The following BCL11A variants were observed in gnomAD, a reference collection of about 807,000 sequenced individuals.
BCL11A encodes the protein BCL11 transcription factor A, also known as B cell CLL/lymphoma 11A.
In BCL11A, 2 loss-of-function variants were observed where a neutral mutation model predicts 55.9. That is an observed-to-expected ratio of 0.04 (90% CI 0.01 to 0.11). The LOEUF is 0.11. Ranked by LOEUF, BCL11A falls within the 10% of genes least tolerant of loss-of-function variation. The pLI is 1.00. For synonymous variants in BCL11A, 465 were observed against 473.4 expected (o/e 0.98, Z 0.23); for missense variants, 817 against 1,137.1 (o/e 0.72, Z 4.05).
intron 2 of BCL11A, chr2:60,536,484 C>T (rs1669675239): frequency 1.3e-5 from 2 of 152,146 alleles, no homozygotes; most frequent in Admixed American, 6.5e-5. Context: ...ACAGTCCTGA[C>T]CAATTCCGTT....
At chr2:60,530,552 T>A (rs1669403883) in intron 2 of BCL11A, among the ~76,000 whole-genome samples, 1 of 151,384 alleles carries the variant, frequency 6.6e-6, no homozygotes, top group Admixed American at 6.6e-5. Flanking sequence ...GCCAAAAGAC[T>A]GGCCTCAACT....
In BCL11A at chr2:60,546,490, T is replaced by A; in HGVS notation, c.56-190A>T. On this transcript the variant is annotated intron_variant, in intron 1 of 3. Transcript: ENST00000642384. The surrounding 1 kb of genome is among the most constrained non-coding windows in gnomAD (Gnocchi z 4.1). ...GAAGGTTATCAACCAGAGAGCAAAT[T>A]TGTCAATGAGGCAAATCATCACATA... 1 of 592,158 alleles carries A rather than the reference T, an allele frequency of 1.7e-6. No individual in the cohort carries two copies. The highest frequency in any genetic ancestry group is 3.0e-6 in the Non-Finnish European group (1 of 336,660). The allele number at this position is 592,158 out of a possible 1,614,324, so 36.7% of individuals were successfully genotyped here. A position where few individuals can be genotyped will look rare whatever the true frequency, so the allele number is the denominator to read the frequency against.
chr2:60,514,766 A>G (rs1025761931), intron 2 of BCL11A, among the ~76,000 whole-genome samples: 1 of 151,898 alleles, frequency 6.6e-6, no homozygotes, highest in Non-Finnish European at 1.5e-5. Context: ...TTACAACACA[A>G]TGAAAGGGTA....
intron 2 of BCL11A, among the ~76,000 whole-genome samples, chr2:60,518,301 A>G (rs1022281605): frequency 6.6e-6 from 1 of 152,210 alleles, no homozygotes; most frequent in East Asian, 1.9e-4. Context: ...ATCATAGATA[A>G]AGGAGTCACA....
chr2:60,503,240 A>G (rs1679393922), intron 2 of BCL11A, among the ~76,000 whole-genome samples: 1 of 152,196 alleles, frequency 6.6e-6, no homozygotes, highest in Non-Finnish European at 1.5e-5. Flanking sequence ...CAGCCTCAGG[A>G]GGCTCTGACC....
At chr2:60,493,715 T>G (rs1678783663) in intron 2 of BCL11A, among the ~76,000 whole-genome samples, 1 of 152,166 alleles carries the variant, frequency 6.6e-6, no homozygotes, top group Non-Finnish European at 1.5e-5. Flanking sequence ...AGGAGATGAC[T>G]TCTACCTTGC....
At chr2:60,487,672 G>A (rs575136421) in intron 2 of BCL11A, among the ~76,000 whole-genome samples, 311 of 152,286 alleles carry the variant, frequency 2.0e-3, no homozygotes, top group Non-Finnish European at 3.5e-3. Context: ...AGCCTTTAAC[G>A]AGGGTGTTCA....
intron 2 of BCL11A, chr2:60,537,623 A>C (rs555110705): frequency 6.6e-6 from 1 of 152,264 alleles, no homozygotes; most frequent in Non-Finnish European, 1.5e-5. Context: ...GTGCTCCAAC[A>C]TAAGAATCCA....
At chr2:60,551,157 A>G (rs1670399054) in intron 1 of BCL11A, among the ~76,000 whole-genome samples, 1 of 152,198 alleles carries the variant, frequency 6.6e-6, no homozygotes, top group Non-Finnish European at 1.5e-5. Context: ...TAAAGTAAGA[A>G]TCATAAATTG....
chr2:60,480,603 G>C (rs1677894250), intron 2 of BCL11A, among the ~76,000 whole-genome samples: 1 of 152,152 alleles, frequency 6.6e-6, no homozygotes, highest in Non-Finnish European at 1.5e-5. Flanking sequence ...AGTGGCTGCT[G>C]GTCCATCGCT....
At chr2:60,537,194 AACATG>A (rs1383941770) in intron 2 of BCL11A, 1 of 151,846 alleles carries the variant, frequency 6.6e-6, no homozygotes, top group Non-Finnish European at 1.5e-5. Flanking sequence ...ACAAAAACAT[AACATG>A]AGAAGGTTAC....
At chr2:60,480,145 G>A (rs1310498389) in intron 2 of BCL11A, among the ~76,000 whole-genome samples, 1 of 152,212 alleles carries the variant, frequency 6.6e-6, no homozygotes, top group Non-Finnish European at 1.5e-5. Flanking sequence ...GAGGGGGGAA[G>A]GTGGGGGTGG....
intron 3 of BCL11A, 67 bp downstream of exon 3, chr2:60,468,665 G>A: frequency 8.3e-7 from 1 of 1,206,856 alleles, no homozygotes; most frequent in Non-Finnish European, 1.2e-6. Context: ...AAAAAGTAAG[G>A]GCAATTTCCA....
chr2:60,482,662 A>C (rs1678030287), intron 2 of BCL11A, among the ~76,000 whole-genome samples: 1 of 152,244 alleles, frequency 6.6e-6, no homozygotes, highest in Non-Finnish European at 1.5e-5. Context: ...CCCTGAAAGC[A>C]CACTGCATCC....
chr2:60,462,223 A>C lies in BCL11A; in HGVS notation c.689T>G (p.Ile230Ser). Residue 230 changes from isoleucine (I) to serine (S), a missense_variant, in exon 4 of 4, where the codon ATT becomes AGT. Physicochemically the swap from Ile to Ser is moderately radical, Grantham distance 142. This residue lies in a region of BCL11A where 363 missense variants were observed against 486.6 expected (regional missense o/e 0.75). Coordinates refer to ENST00000642384, the MANE Select transcript of BCL11A (RefSeq NM_022893.4). ...AAAGGGGTTATTGTCTGCAATATGA[A>C]TCCCATGGAGAGGTGGCTGGGAAGG... ...ECPSQPPLHGIHIADNNPFNL... is the reference protein window; with the variant it reads ...ECPSQPPLHGSHIADNNPFNL... 6.2e-7 allele frequency: 1 copy of C among 1,612,940 alleles called. No homozygotes were observed. Among genetic ancestry groups the C allele is most frequent in the Non-Finnish European group, 8.5e-7 (1 of 1,179,466 alleles).
chr2:60,479,683 T>A (rs1677841412), intron 2 of BCL11A, among the ~76,000 whole-genome samples: 1 of 152,188 alleles, frequency 6.6e-6, no homozygotes, highest in Non-Finnish European at 1.5e-5. Flanking sequence ...CCTGTACTCC[T>A]GCCCCAGCTC....
Position 60,457,670 on chromosome 2 carries a change from G to GT in BCL11A, c.*2733dup, listed in dbSNP as rs36105824. 0.18 allele frequency: 140,608 copies of GT among 799,738 alleles called. 11 individuals are homozygous for GT. Among genetic ancestry groups the GT allele is most frequent in the Middle Eastern group, 0.27 (431 of 1,584 alleles). The allele number at this position is 799,738 out of a possible 1,614,324, so 49.5% of individuals were successfully genotyped here. A position where few individuals can be genotyped will look rare whatever the true frequency, so the allele number is the denominator to read the frequency against. The stretch of plus-strand genomic sequence containing the variant: ...CAATGAAAAAAACTGCAAAACATTG[G>GT]TTTTTTTTTTTTTTTCCTTTTTTTT... On this transcript the variant is annotated 3_prime_UTR_variant, in exon 4 of 4. Transcript: ENST00000642384.
Position 60,458,246 on chromosome 2 carries a change from T to C in BCL11A, c.*2158A>G, listed in dbSNP as rs1287069890. ...TGCATTTTCCTATATTTAAGTACTATATAATCTTAAACCTTTCCCCAATGT... is the reference window on the plus strand; with the variant it reads ...TGCATTTTCCTATATTTAAGTACTACATAATCTTAAACCTTTCCCCAATGT... On this transcript the variant is annotated 3_prime_UTR_variant, in exon 4 of 4. Coordinates refer to ENST00000642384, the MANE Select transcript of BCL11A (RefSeq NM_022893.4). 1 of 1,023,710 alleles carries C rather than the reference T, an allele frequency of 9.8e-7. No individual in the cohort carries two copies. Among genetic ancestry groups the C allele is most frequent in the East Asian group, 6.3e-5 (1 of 15,828 alleles). 63.4% of individuals were successfully genotyped at this position (1,023,710 alleles called of 1,614,324 possible).
rs1278956884 is a variant in BCL11A at position 60,457,903 on chromosome 2, C to T, written c.*2501G>A. 24 of 1,047,958 alleles carry T rather than the reference C, an allele frequency of 2.3e-5. No homozygotes were observed. The highest frequency in any genetic ancestry group is 4.3e-4 in the Middle Eastern group (1 of 2,310). The allele number at this position is 1,047,958 out of a possible 1,614,324, so 64.9% of individuals were successfully genotyped here. ...GACATTCTAGCAGGCTCCCCCAAAC[C>T]GCCATTATATGGCTTCTCATCTGTA... is the stretch of plus-strand genomic sequence containing the variant. On this transcript the variant is annotated 3_prime_UTR_variant, in exon 4 of 4. Coordinates refer to ENST00000642384, the MANE Select transcript of BCL11A (RefSeq NM_022893.4).
Sources: allele counts gnomAD v4.1 joint callset (sites outside exome capture counted in the v4.1 genomes callset), GRCh38; gene constraint gnomAD v4.1.1; regional missense constraint gnomAD v4.1.1; non-coding constraint Gnocchi (gnomAD v3.1); transcripts MANE v1.5; gene names NCBI Gene and HGNC (gene_info 2026-07-23, HGNC 2026-07-21).